Variants in LARS1 observed in about 807,000 individuals in gnomAD.
LARS1 encodes the protein leucine--tRNA ligase, cytoplasmic.
In LARS1, 100 loss-of-function variants were observed where a neutral mutation model predicts 162.8. The observed-to-expected ratio is 0.61, with a 90% CI of 0.52 to 0.73. LARS1 has a LOEUF of 0.73. Ranked by LOEUF, LARS1 falls within the 30% of genes least tolerant of loss-of-function variation. The probability of loss-of-function intolerance (pLI) is 0.00; values close to 1 mark genes in which losing one functional copy is unlikely to be tolerated. For missense variants in LARS1, 1,258 were observed against 1,408.9 expected, an observed-to-expected ratio of 0.89 and a Z score of 1.71; for synonymous variants, 457 against 462.8, an observed-to-expected ratio of 0.99 and a Z score of 0.16.
chr5:146,135,783 C>A (rs12153109), intron 21 of LARS1, 119 bp from the exon 22 acceptor site: 1 of 645,894 alleles, frequency 1.5e-6, no homozygotes, highest in Non-Finnish European at 2.6e-6. Flanking sequence ...ATTCAAAATA[C>A]GGAAAGGAAA....
chr5:146,126,796 A>G (rs1752071016), intron 27 of LARS1, among the ~76,000 whole-genome samples: 1 of 152,096 alleles, frequency 6.6e-6, no homozygotes, highest in Non-Finnish European at 1.5e-5. Flanking sequence ...TGTGTTGAAT[A>G]TTTCTCCTGT....
intron 29 of LARS1, 130 bp from the exon 30 acceptor site, chr5:146,122,717 T>G (rs1046223534): frequency 1.1e-5 from 5 of 441,648 alleles, no homozygotes; most frequent in African/African-American, 1.0e-4. Context: ...AATTTTATTA[T>G]TTTCCATATA....
chr5:146,142,020 C>T (rs574130467), intron 20 of LARS1, among the ~76,000 whole-genome samples: 2 of 151,984 alleles, frequency 1.3e-5, no homozygotes, highest in South Asian at 2.1e-4. Context: ...ATTAGCCAGG[C>T]GTAGTGGTGC....
chr5:146,163,559 G>C (rs113935212), intron 6 of LARS1, among the ~76,000 whole-genome samples: 5 of 151,998 alleles, frequency 3.3e-5, no homozygotes, highest in Admixed American at 3.3e-4. Flanking sequence ...GTTGGCAGAC[G>C]CCTGTAATCC....
chr5:146,177,589 C>T lies in LARS1; in HGVS notation c.83G>A (p.Arg28Lys). The T allele has an allele frequency of 6.2e-7, 1 of 1,603,018 alleles. No homozygotes were observed. Among genetic ancestry groups the T allele is most frequent in the East Asian group, 2.3e-5 (1 of 44,248 alleles). The change falls in exon 2 of 32, where the codon AGA becomes AAA. Residue 28 changes from arginine (R) to lysine (K), a missense_variant. Physicochemically the swap from Arg to Lys is conservative, Grantham distance 26. Transcript: ENST00000394434. The stretch of plus-strand genomic sequence containing the variant: ...ATTAGATGCATTGACCTCAAACACT[C>T]TCTCAGTATCCCATTTCTGTTGGAT... ...KEIQQKWDTE[R>K]VFEVNASNLE... is the part of the protein sequence containing the mutation.
chr5:146,174,447 AAT>A (rs375382282), intron 2 of LARS1, among the ~76,000 whole-genome samples: 5 of 110,418 alleles, frequency 4.5e-5, no homozygotes, highest in Non-Finnish European at 9.9e-5. Flanking sequence ...CTCTGTCTCA[AAT>A]ATATATATAT....
chr5:146,177,928 A>G (rs936366946), intron 1 of LARS1, among the ~76,000 whole-genome samples: 4 of 151,794 alleles, frequency 2.6e-5, no homozygotes, highest in African/African-American at 9.7e-5. Context: ...GGCGAAACCC[A>G]TCTCTACTAA....
intron 20 of LARS1, among the ~76,000 whole-genome samples, chr5:146,140,784 G>A (rs571639879): frequency 2.0e-5 from 3 of 152,082 alleles, no homozygotes; most frequent in South Asian, 2.1e-4. Context: ...CAGCCTAGGC[G>A]ACAAAGCAAG....
chr5:146,115,173 G>A (rs879522508), intron 31 of LARS1, among the ~76,000 whole-genome samples: 9 of 151,496 alleles, frequency 5.9e-5, no homozygotes, highest in Non-Finnish European at 1.2e-4. Flanking sequence ...TACAAACTAA[G>A]AGAGAGAAAG....
chr5:146,168,239 T>C lies in LARS1; in HGVS notation c.321A>G (p.Glu107=). The C allele has an allele frequency of 6.2e-7, 1 of 1,613,154 alleles. No homozygotes were observed. Among genetic ancestry groups the C allele is most frequent in the South Asian group, 1.1e-5 (1 of 90,782 alleles). Residue 107 remains glutamate, a synonymous_variant, in exon 5 of 32, where the codon GAA becomes GAG. Coordinates refer to ENST00000394434, the MANE Select transcript of LARS1 (RefSeq NM_020117.11). The part of the protein sequence containing the change: ...IKACADKLKR[E]IELYGCPPDF... Reference sequence around the variant, plus strand: ...CAGGGGGGCAACCATACAGCTCTATTTCTCTTTTCAACTTATCAGCACATG... The same window carrying C: ...CAGGGGGGCAACCATACAGCTCTATCTCTCTTTTCAACTTATCAGCACATG...
At chr5:146,176,448 C>CAAAAAAAAAAAAAAAAA in intron 2 of LARS1, among the ~76,000 whole-genome samples, 1 of 76,976 alleles carries the variant, frequency 1.3e-5, no homozygotes, top group Non-Finnish European at 2.4e-5. Flanking sequence ...AAGACTGTCT[C>CAAAAAAAAAAAAAAAAA]AAAAAAAAAA....
At chr5:146,115,001 G>A (rs889165454) in intron 31 of LARS1, among the ~76,000 whole-genome samples, 3 of 143,116 alleles carry the variant, frequency 2.1e-5, no homozygotes, top group African/African-American at 7.8e-5. Context: ...CCAAGATCGC[G>A]CCACTGCACT....
At chr5:146,116,353 T>G (rs1388489126) in intron 31 of LARS1, among the ~76,000 whole-genome samples, 2 of 151,934 alleles carry the variant, frequency 1.3e-5, no homozygotes, top group Non-Finnish European at 2.9e-5. Context: ...CTCTGCCTCT[T>G]TCTCTCTCAT....
chr5:146,120,320 T>A lies in LARS1; in HGVS notation c.3325+51A>T, dbSNP rs766399925. 2.5e-6 allele frequency: 4 copies of A among 1,598,448 alleles called. No homozygotes were observed. In the South Asian group the frequency reaches 3.3e-5, roughly 13 times the overall value. ...TTTCTTTTTCCTTTCTGCTTAGAAC[T>A]CACCAAATCTACAAGCTACTGACAA... On this transcript the variant is annotated intron_variant, in intron 31 of 31. Coordinates refer to ENST00000394434, the MANE Select transcript of LARS1 (RefSeq NM_020117.11).
intron 29 of LARS1, among the ~76,000 whole-genome samples, chr5:146,123,047 A>G (rs545863455): frequency 1.3e-5 from 2 of 152,094 alleles, no homozygotes; most frequent in Non-Finnish European, 2.9e-5. Flanking sequence ...AGATCCAAGA[A>G]GTTTTTTGAC....
Position 146,177,684 on chromosome 5 carries a change from A to T in LARS1, c.7-19T>A, listed in dbSNP as rs1193731475. 1 of 1,304,440 alleles carries T rather than the reference A, an allele frequency of 7.7e-7. No individual in the cohort carries two copies. The highest frequency in any genetic ancestry group is 1.8e-5 in the Admixed American group (1 of 56,486). The allele number at this position is 1,304,440 out of a possible 1,614,324, so 80.8% of individuals were successfully genotyped here. On this transcript the variant is annotated intron_variant, in intron 1 of 31. Transcript: ENST00000394434. ...TTCTTTCCTATTGGACACAAAGAGA[A>T]TAATCCACTCTGTATTTCAGCACGC...
At position 146,161,770 on chromosome 5, in the gene LARS1, T is replaced by A. The variant is rs528444437; in HGVS notation, c.595-1284A>T. ...CTCCATCTCAAAAAAAAAAAAAAAA[T>A]TTGGAGTGAATCCTCTCAAAACCTG... On this transcript the variant is annotated intron_variant, in intron 6 of 31. Transcript: ENST00000394434. Among the ~76,000 whole-genome samples, 32 of 138,350 alleles carry A rather than the reference T, an allele frequency of 2.3e-4. 1 individual carries two copies. Among genetic ancestry groups the A allele is most frequent in the Middle Eastern group, 3.5e-3 (1 of 282 alleles). The allele number at this position is 138,350 out of a possible 152,430, so 90.8% of individuals were successfully genotyped here.
intron 7 of LARS1, among the ~76,000 whole-genome samples, chr5:146,160,051 A>G (rs1401360302): frequency 1.3e-5 from 2 of 151,930 alleles, no homozygotes; most frequent in South Asian, 4.1e-4. Flanking sequence ...AAAACAAAGG[A>G]TACAAAAGAA....
intron 31 of LARS1, among the ~76,000 whole-genome samples, chr5:146,118,285 C>A (rs1751660767): frequency 6.6e-6 from 1 of 152,176 alleles, no homozygotes; most frequent in Non-Finnish European, 1.5e-5. Context: ...ATCGCATGAT[C>A]TCACTCACAT....
Sources: gnomAD v4.1 joint callset for allele counts (sites outside exome capture counted in the v4.1 genomes callset) on GRCh38, gnomAD v4.1.1 for gene constraint, MANE v1.5 for transcripts, NCBI Gene and HGNC (gene_info 2026-07-23, HGNC 2026-07-21) for gene names.